The following ROBO2 variants were observed in gnomAD, a reference collection of about 807,000 sequenced individuals.
ROBO2 encodes roundabout guidance receptor 2.
ROBO2 carries 53 observed loss-of-function variants against 160.8 expected under a neutral mutation model. The observed-to-expected ratio is 0.33, with a 90% confidence interval of 0.26 to 0.41. The LOEUF (loss-of-function observed/expected upper bound fraction) is 0.41, where lower values mean the gene tolerates loss of function less well. Among genes scored for constraint, ROBO2 ranks in the 10% least tolerant of loss-of-function variants. The probability of loss-of-function intolerance (pLI) is 1.00; values close to 1 mark genes in which losing one functional copy is unlikely to be tolerated. For missense variants in ROBO2, 1,577 were observed against 1,722.4 expected (o/e 0.92, Z 1.49); for synonymous variants, 664 against 611.7 (o/e 1.09, Z -1.26).
chr3:76,240,273 C>T (rs1705206409), intron 2 of ROBO2, among the ~76,000 whole-genome samples: 1 of 151,978 alleles, frequency 6.6e-6, no homozygotes, highest in East Asian at 1.9e-4. Flanking sequence ...TAATGCTCTC[C>T]CTCCCATAAC....
chr3:77,414,984 G>A lies in ROBO2; in HGVS notation c.389-62430G>A, dbSNP rs563585471. Among the ~76,000 whole-genome samples, 17 of 152,290 alleles carry A rather than the reference G, an allele frequency of 1.1e-4. 1 individual carries two copies. The South Asian group carries it at 3.5e-3, about 32-fold the overall frequency. ...TATTAAGACTCCACCCCTGCCTTCA[G>A]GAAGCTGCCCATCTGGTGGAATGAG... On this transcript the variant is annotated intron_variant, in intron 2 of 25. Transcript: ENST00000461745.
chr3:77,018,829 CCAGAATGGTGGTTGA>C (rs2062444253), intron 2 of ROBO2, among the ~76,000 whole-genome samples: 2 of 152,238 alleles, frequency 1.3e-5, no homozygotes, highest in South Asian at 4.1e-4. Context: ...GAGACCGAAA[CCAGAATGGTGGTTGA>C]CAGAGGCTAA....
At chr3:76,989,214 G>A (rs1182638477) in intron 2 of ROBO2, among the ~76,000 whole-genome samples, 5 of 152,202 alleles carry the variant, frequency 3.3e-5, no homozygotes, top group Non-Finnish European at 7.4e-5. Context: ...AAATATTTAT[G>A]GTGAATGTAA....
chr3:77,227,262 C>T lies in ROBO2; in HGVS notation c.388+128922C>T, dbSNP rs1055982197. Among the ~76,000 whole-genome samples, 7 of 151,898 alleles carry T rather than the reference C, an allele frequency of 4.6e-5. No homozygotes were observed. The South Asian group carries it at 8.3e-4, about 18-fold the overall frequency. ...AATGATATTGCAGGTGGTCATAAAC[C>T]GCAGTTAAAACATATGTCTTTAAAA... On this transcript the variant is annotated intron_variant, in intron 2 of 25. Coordinates refer to ENST00000461745, the Ensembl canonical transcript of ROBO2.
chr3:76,370,302 T>C (rs2108473746), intron 2 of ROBO2, among the ~76,000 whole-genome samples: 1 of 152,120 alleles, frequency 6.6e-6, no homozygotes, highest in South Asian at 2.1e-4. Flanking sequence ...TTTGAGCTTT[T>C]CTTGTATTCA....
At position 76,773,577 on chromosome 3, in the gene ROBO2, A is replaced by ATT. The variant is rs35654330; in HGVS notation, c.110-324429_110-324428dup. On this transcript the variant is annotated intron_variant, in intron 2 of 26. Coordinates refer to the ROBO2 transcript ENST00000487694. ...AGGGTCTTATTTTTTTACAAGATTA[A>ATT]TTTTTTTTTAATTTTGCAGCATAGT... 4.3e-3 allele frequency among the ~76,000 whole-genome samples: 640 copies of ATT among 149,858 alleles called. 1 individual carries two copies. The highest frequency in any genetic ancestry group is 0.016 in the South Asian group (75 of 4,772).
At chr3:76,581,197 G>A (rs1304073303) in intron 2 of ROBO2, among the ~76,000 whole-genome samples, 6 of 152,152 alleles carry the variant, frequency 3.9e-5, no homozygotes, top group African/African-American at 1.4e-4. Flanking sequence ...AGATTTGAGT[G>A]CTGATTTGTA....
chr3:76,628,433 G>GA lies in ROBO2; in HGVS notation c.110-469581_110-469580insA, dbSNP rs375462977. Among the ~76,000 whole-genome samples the GA allele has an allele frequency of 3.3e-4, 45 of 135,364 alleles. No homozygotes were observed. In the South Asian group the frequency reaches 9.4e-3, roughly 28 times the overall value. 88.8% of individuals were successfully genotyped at this position (135,364 alleles called of 152,430 possible). ...TCACTCGCTATCCACTAATTTTTAG[G>GA]TTTTTTTTTTTTTTTTTAGAGATGG... On this transcript the variant is annotated intron_variant, in intron 2 of 26. Transcript: ENST00000487694.
chr3:76,493,514 G>T (rs1277416392), intron 2 of ROBO2, among the ~76,000 whole-genome samples: 1 of 151,024 alleles, frequency 6.6e-6, no homozygotes, highest in African/African-American at 2.4e-5. Flanking sequence ...CAATTTTTTT[G>T]GAAAAGTTCA....
intron 2 of ROBO2, among the ~76,000 whole-genome samples, chr3:77,338,369 C>T (rs545228607): frequency 3.3e-5 from 5 of 152,198 alleles, no homozygotes; most frequent in East Asian, 3.9e-4. Flanking sequence ...TGAGATTGTT[C>T]AGGAGATCTC....
intron 2 of ROBO2, 120 bp from the exon 3 acceptor site, chr3:77,477,294 A>C: frequency 1.0e-6 from 1 of 967,366 alleles, no homozygotes; most frequent in Non-Finnish European, 1.7e-6. Context: ...CTATGTTCTC[A>C]GTAAAAATCC....
At chr3:77,159,607 A>C (rs2150598181) in intron 2 of ROBO2, among the ~76,000 whole-genome samples, 1 of 152,304 alleles carries the variant, frequency 6.6e-6, no homozygotes, top group African/African-American at 2.4e-5. Context: ...AAATAAAAAT[A>C]AAATATATCT....
chr3:76,178,954 A>G lies in ROBO2; in HGVS notation c.109+241352A>G, dbSNP rs1353126599. ...GAAACTCCATCTCAAAAATATAAAT[A>G]AATAAATAAAAAGGAACCTTGTTCT... On this transcript the variant is annotated intron_variant, in intron 2 of 26. Coordinates refer to the ROBO2 transcript ENST00000487694. 7.2e-5 allele frequency among the ~76,000 whole-genome samples: 11 copies of G among 152,204 alleles called. 1 individual carries two copies. The South Asian group carries it at 2.1e-3, about 29-fold the overall frequency.
intron 2 of ROBO2, among the ~76,000 whole-genome samples, chr3:76,209,246 T>G (rs1388541828): frequency 3.3e-5 from 5 of 152,192 alleles, no homozygotes; most frequent in African/African-American, 1.2e-4. Flanking sequence ...CATTTTTGCT[T>G]TCCTGTCAGA....
upstream of ROBO2, among the ~76,000 whole-genome samples, chr3:77,038,413 A>G (rs1180206860): frequency 6.6e-6 from 1 of 152,114 alleles, no homozygotes; most frequent in African/African-American, 2.4e-5. Flanking sequence ...GTCTCTTCTA[A>G]TTGCTTGAAT....
At position 76,000,655 on chromosome 3, in the gene ROBO2, A is replaced by T. The variant is rs559495085; in HGVS notation, c.109+63053A>T. 6.8e-4 allele frequency among the ~76,000 whole-genome samples: 103 copies of T among 151,744 alleles called. 2 individuals are homozygous for T. The South Asian group carries it at 0.02, about 29-fold the overall frequency. ...AGGTGCCTGCCACCACACCTGGCTA[A>T]TTTTTTTGTATTTTTTAGTAGAAAT... On this transcript the variant is annotated intron_variant, in intron 2 of 26. Transcript: ENST00000487694.
intron 2 of ROBO2, among the ~76,000 whole-genome samples, chr3:76,459,354 A>T (rs1017645758): frequency 6.6e-6 from 1 of 152,346 alleles, no homozygotes; most frequent in Admixed American, 6.5e-5. Context: ...TGTAACATTC[A>T]TTAGAAAGAT....
chr3:77,022,244 C>T (rs1307856939), intron 2 of ROBO2, among the ~76,000 whole-genome samples: 2 of 152,166 alleles, frequency 1.3e-5, no homozygotes, highest in Non-Finnish European at 2.9e-5. Flanking sequence ...GTGACAAACG[C>T]CTGTAATCCC....
intron 24 of ROBO2, 24 bp from the exon 27 acceptor site, chr3:77,644,680 C>T (rs1041753682): frequency 1.4e-5 from 22 of 1,611,798 alleles, no homozygotes; most frequent in Non-Finnish European, 1.9e-5. Flanking sequence ...TCAATTTAGC[C>T]TTTGGGTTTT....
Sources: allele counts gnomAD v4.1 joint callset (sites outside exome capture counted in the v4.1 genomes callset), GRCh38; gene constraint gnomAD v4.1.1; transcripts MANE v1.5; gene names NCBI Gene and HGNC (gene_info 2026-07-23, HGNC 2026-07-21).